The following TBC1D5 variants were observed in gnomAD, a reference collection of about 807,000 sequenced individuals.
TBC1D5 encodes the protein TBC1 domain family, member 5.
Under a neutral mutation model 100.3 loss-of-function variants are expected in TBC1D5, and 75 were observed. That is an observed-to-expected ratio of 0.75 (90% confidence interval 0.62 to 0.91). TBC1D5 has a LOEUF of 0.91. TBC1D5 is among the 40% of genes least tolerant of loss of function. The pLI is 0.00. For missense variants in TBC1D5, 910 were observed against 942.4 expected (o/e 0.97, Z 0.45); for synonymous variants, 323 against 325.6 (o/e 0.99, Z 0.09).
intron 2 of TBC1D5, among the ~76,000 whole-genome samples, chr3:17,549,928 T>C (rs1463097786): frequency 3.3e-5 from 5 of 150,436 alleles, no homozygotes; most frequent in African/African-American, 1.2e-4. Flanking sequence ...AGACTCTGTC[T>C]AAAATAATAA....
chr3:17,158,459 TACTC>T (rs2065774330), exon 22 of TBC1D5: 1 of 152,202 alleles, frequency 6.6e-6, no homozygotes, highest in Admixed American at 6.5e-5. Context: ...TTGCAAATAA[TACTC>T]AACTATGAAG....
At chr3:17,258,633 A>G (rs2077974329) in intron 15 of TBC1D5, 42 bp from the exon 16 acceptor site, 1 of 1,517,580 alleles carries the variant, frequency 6.6e-7, no homozygotes, top group East Asian at 2.3e-5. Flanking sequence ...TAAATGATTT[A>G]ATCCATTAAC....
intron 3 of TBC1D5, among the ~76,000 whole-genome samples, chr3:17,470,656 T>G (rs1422078719): frequency 6.6e-6 from 1 of 152,114 alleles, no homozygotes; most frequent in Non-Finnish European, 1.5e-5. Context: ...GCACGGTGGC[T>G]CACACCTGTA....
At chr3:17,497,540 C>T (rs1481482639) in intron 3 of TBC1D5, among the ~76,000 whole-genome samples, 1 of 152,206 alleles carries the variant, frequency 6.6e-6, no homozygotes, top group African/African-American at 2.4e-5. Context: ...TCATAATCAT[C>T]ATGTCAACAT....
chr3:17,609,440 C>T (rs1006952196), intron 2 of TBC1D5, among the ~76,000 whole-genome samples: 1 of 152,190 alleles, frequency 6.6e-6, no homozygotes, highest in Non-Finnish European at 1.5e-5. Flanking sequence ...ACCAGGACCT[C>T]TTTCCTAAAA....
chr3:17,676,320 A>G (rs2068625518), intron 1 of TBC1D5, among the ~76,000 whole-genome samples: 1 of 152,182 alleles, frequency 6.6e-6, no homozygotes, highest in Non-Finnish European at 1.5e-5. Context: ...ATACAAACTT[A>G]ACGTGCAAAA....
rs192353839 is a variant in TBC1D5 at position 17,680,519 on chromosome 3, G to C, written c.-100-56606C>G. On this transcript the variant is annotated intron_variant, in intron 1 of 21. Coordinates refer to ENST00000253692, the Ensembl canonical transcript of TBC1D5. ...TGGGACTACAGACGTGAGCTACAGT[G>C]CCTGGCTATTCACTTTTTAATAAAA... 5.7e-4 allele frequency among the ~76,000 whole-genome samples: 87 copies of C among 151,316 alleles called. 5 individuals are homozygous for C. The highest frequency in any genetic ancestry group is 3.4e-3 in the Middle Eastern group (1 of 294).
chr3:17,295,126 A>C (rs1002984342), intron 14 of TBC1D5, among the ~76,000 whole-genome samples: 2 of 152,238 alleles, frequency 1.3e-5, no homozygotes, highest in African/African-American at 4.8e-5. Context: ...TATGCTTTAA[A>C]AACAAAATAG....
At chr3:17,508,029 A>G (rs1320911341) in intron 3 of TBC1D5, among the ~76,000 whole-genome samples, 2 of 151,838 alleles carry the variant, frequency 1.3e-5, no homozygotes, top group African/African-American at 2.4e-5. Flanking sequence ...AAAAAAAAAG[A>G]GGATGAACAA....
intron 13 of TBC1D5, among the ~76,000 whole-genome samples, chr3:17,371,307 T>C (rs2092445799): frequency 6.6e-6 from 1 of 152,206 alleles, no homozygotes. Context: ...TTGTTAGGAT[T>C]TGGGGCTGGC....
At chr3:17,545,503 CT>C (rs2096405939) in intron 2 of TBC1D5, among the ~76,000 whole-genome samples, 1 of 152,166 alleles carries the variant, frequency 6.6e-6, no homozygotes, top group South Asian at 2.1e-4. Context: ...ATTTACTTTT[CT>C]TTTTCCATTT....
At chr3:17,325,284 AGAAAT>A (rs747863169) in intron 13 of TBC1D5, among the ~76,000 whole-genome samples, 1 of 143,154 alleles carries the variant, frequency 7.0e-6, no homozygotes, top group South Asian at 2.2e-4. Flanking sequence ...AAAAAAAAAA[AGAAAT>A]GAACTATTGA....
At chr3:17,620,748 AAAT>A (rs2062593069) in intron 2 of TBC1D5, among the ~76,000 whole-genome samples, 1 of 152,190 alleles carries the variant, frequency 6.6e-6, no homozygotes, top group African/African-American at 2.4e-5. Context: ...TTGGAAAAGT[AAAT>A]AATTTCCTAT....
At chr3:17,538,480 G>A (rs2096309004) in intron 2 of TBC1D5, among the ~76,000 whole-genome samples, 1 of 152,126 alleles carries the variant, frequency 6.6e-6, no homozygotes, top group African/African-American at 2.4e-5. Flanking sequence ...AGGGCACTTG[G>A]ATCTTGCAAG....
chr3:17,353,658 G>C (rs921209699), intron 13 of TBC1D5, among the ~76,000 whole-genome samples: 1 of 151,914 alleles, frequency 6.6e-6, no homozygotes, highest in African/African-American at 2.4e-5. Flanking sequence ...AAAAGGTTAA[G>C]ATTCTCATCC....
intron 3 of TBC1D5, among the ~76,000 whole-genome samples, chr3:17,481,542 G>A (rs902808008): frequency 3.3e-5 from 5 of 152,200 alleles, no homozygotes; most frequent in East Asian, 1.9e-4. Context: ...GCCACAGAGC[G>A]AGACCTGTAT....
At chr3:17,451,061 G>A (rs913609847) in intron 3 of TBC1D5, among the ~76,000 whole-genome samples, 2 of 152,200 alleles carry the variant, frequency 1.3e-5, no homozygotes, top group Admixed American at 6.5e-5. Flanking sequence ...CCAGAATAGA[G>A]TGGGGTCCAA....
At chr3:17,706,052 A>G (rs769260883) in intron 1 of TBC1D5, 1 of 1,581,416 alleles carries the variant, frequency 6.3e-7, no homozygotes, top group Non-Finnish European at 8.6e-7. Flanking sequence ...TTAAGGTGGG[A>G]GCCTACTGAT....
chr3:17,170,396 G>C (rs1054362617), intron 19 of TBC1D5, among the ~76,000 whole-genome samples: 1 of 152,152 alleles, frequency 6.6e-6, no homozygotes, highest in Non-Finnish European at 1.5e-5. Context: ...TGGGTTCAAG[G>C]AACTAAAGAA....
Sources: allele counts gnomAD v4.1 joint callset (sites outside exome capture counted in the v4.1 genomes callset), GRCh38; gene constraint gnomAD v4.1.1; transcripts MANE v1.5; gene names NCBI Gene and HGNC (gene_info 2026-07-23, HGNC 2026-07-21).